Variants in EMID1 observed in about 807,000 individuals in gnomAD.
EMID1 encodes EMI domain-containing protein 1.
In EMID1, 40 loss-of-function variants were observed where a neutral mutation model predicts 60.6. The ratio of observed to expected loss-of-function variants is 0.66; its 90% CI spans 0.51 to 0.86. The LOEUF (loss-of-function observed/expected upper bound fraction) is 0.86, where lower values mean the gene tolerates loss of function less well. Among genes scored for constraint, EMID1 ranks in the 40% least tolerant of loss-of-function variants. The pLI is 0.00. For synonymous variants in EMID1, 242 were observed against 231.0 expected, an observed-to-expected ratio of 1.05 and a Z score of -0.43; for missense variants, 585 against 597.1, an observed-to-expected ratio of 0.98 and a Z score of 0.21.
intron 7 of EMID1, chr22:29,232,053 A>G: frequency 1.6e-6 from 1 of 618,494 alleles, no homozygotes; most frequent in Non-Finnish European, 2.8e-6. Context: ...TGGGAGCCCC[A>G]AGGAAGGAAG....
chr22:29,234,452 G>A (rs2040870919), intron 12 of EMID1, 103 bp downstream of exon 12: 3 of 1,341,918 alleles, frequency 2.2e-6, no homozygotes, highest in South Asian at 1.4e-5. Flanking sequence ...AACCCTCCCT[G>A]TCTTGTCATT....
chr22:29,232,255 G>A lies in EMID1; in HGVS notation c.677-1G>A. 6.2e-7 allele frequency: 1 copy of A among 1,611,650 alleles called. No homozygotes were observed. Among genetic ancestry groups the A allele is most frequent in the East Asian group, 2.2e-5 (1 of 44,862 alleles). ...CACAAATCCGTGTGATTCCATTGCA[G>A]GTCCACAGGGCCCCCCAGGGAGCCC... is the stretch of plus-strand genomic sequence containing the variant. On this transcript the variant is annotated splice_acceptor_variant, in intron 7 of 14. Transcript: ENST00000334018. LOFTEE classifies it high-confidence loss of function.
intron 7 of EMID1, chr22:29,231,923 G>A (rs2040764396): frequency 1.8e-6 from 1 of 561,714 alleles, no homozygotes; most frequent in Non-Finnish European, 3.1e-6. Flanking sequence ...GCACTGGGTG[G>A]GGTCAGACAT....
intron 2 of EMID1, chr22:29,215,302 C>G: frequency 1.0e-6 from 1 of 979,198 alleles, no homozygotes; most frequent in Non-Finnish European, 1.2e-6. Flanking sequence ...GCCAGCCCAG[C>G]CTGCAGGGTC....
At chr22:29,245,006 G>T (rs2041281690) in intron 13 of EMID1, among the ~76,000 whole-genome samples, 1 of 152,148 alleles carries the variant, frequency 6.6e-6, no homozygotes, top group South Asian at 2.1e-4. Context: ...GGCACCCAGT[G>T]CCTGCCTTGC....
intron 3 of EMID1, among the ~76,000 whole-genome samples, chr22:29,216,828 G>A (rs1458315735): frequency 1.3e-5 from 2 of 152,262 alleles, no homozygotes; most frequent in East Asian, 1.9e-4. Context: ...GGAGTACCCA[G>A]TGAAGCCGGG....
chr22:29,246,593 G>A (rs1005820335), intron 13 of EMID1, among the ~76,000 whole-genome samples: 1 of 152,132 alleles, frequency 6.6e-6, no homozygotes, highest in Non-Finnish European at 1.5e-5. Context: ...AAGAGAACCA[G>A]GAGAAGCAAG....
chr22:29,220,354 G>A lies in EMID1; in HGVS notation c.319+4724G>A, dbSNP rs562339655. 1.3e-4 allele frequency among the ~76,000 whole-genome samples: 20 copies of A among 152,332 alleles called. 1 individual carries two copies. Among genetic ancestry groups the A allele is most frequent in the Admixed American group, 1.3e-3 (20 of 15,304 alleles). On this transcript the variant is annotated intron_variant, in intron 3 of 14. Coordinates refer to ENST00000334018, the MANE Select transcript of EMID1 (RefSeq NM_133455.4). ...TTTGCCTACCCTGAGGAGGAGGCCA[G>A]GCCGGACATAGACTAAGCCTTCCTG...
At chr22:29,233,760 C>T (rs1346444910) in intron 10 of EMID1, 94 bp downstream of exon 10, 1 of 1,172,990 alleles carries the variant, frequency 8.5e-7, no homozygotes, top group Non-Finnish European at 1.2e-6. Context: ...ACCCTTGTAT[C>T]CATCTATCCA....
intron 5 of EMID1, among the ~76,000 whole-genome samples, chr22:29,227,869 G>C (rs2040583067): frequency 6.6e-6 from 1 of 151,798 alleles, no homozygotes; most frequent in African/African-American, 2.4e-5. Flanking sequence ...CAAAAAATTA[G>C]CCGGGGCCGA....
chr22:29,255,203 GCTT>G, intron 14 of EMID1: 54 of 81,198 alleles, frequency 6.7e-4, no homozygotes, highest in Non-Finnish European at 1.5e-3. Context: ...CACCCTCCCC[GCTT>G]GGCTCCCCAG....
chr22:29,210,950 T>A (rs1196633542), intron 1 of EMID1, among the ~76,000 whole-genome samples: 1 of 150,852 alleles, frequency 6.6e-6, no homozygotes, highest in African/African-American at 2.5e-5. Context: ...TTTGTGTACA[T>A]GTGAGAAGTG....
chr22:29,224,999 A>G (rs1248208643), intron 3 of EMID1, 134 bp from the exon 4 acceptor site: 1 of 831,584 alleles, frequency 1.2e-6, no homozygotes, highest in Non-Finnish European at 1.9e-6. Flanking sequence ...ACCCAGATAC[A>G]TTGCCTCTCC....
In EMID1 at chr22:29,234,348, G is replaced by A. The variant is rs3950176; in HGVS notation, c.1073G>A (p.Arg358Gln). The A allele has an allele frequency of 0.11, 184,079 of 1,613,228 alleles. 11,615 individuals are homozygous for A. The highest frequency in any genetic ancestry group is 0.24 in the East Asian group (10,803 of 44,856). ...EPGPQGSAGQ[R>Q]GEPGPKGDPG... Reference sequence around the variant, plus strand: ...GGCCCCCAAGGCTCTGCTGGGCAGCGGGTAAGTGTTGCTGTCTGTCCCGCA... The same window carrying A: ...GGCCCCCAAGGCTCTGCTGGGCAGCAGGTAAGTGTTGCTGTCTGTCCCGCA... The change falls in exon 12 of 15, where the codon CGG becomes CAG. Residue 358 changes from arginine (R) to glutamine (Q), a missense_variant and splice_region_variant. Transcript: ENST00000334018.
At chr22:29,251,194 A>G (rs531172081) in intron 13 of EMID1, among the ~76,000 whole-genome samples, 35 of 151,532 alleles carry the variant, frequency 2.3e-4, no homozygotes, top group Non-Finnish European at 4.3e-4. Flanking sequence ...CAATCCTCCC[A>G]CCTCAGCCTC....
At chr22:29,246,109 G>A (rs187374192) in intron 13 of EMID1, among the ~76,000 whole-genome samples, 57 of 152,340 alleles carry the variant, frequency 3.7e-4, no homozygotes, top group African/African-American at 1.4e-3. Context: ...CCTGAAAGGT[G>A]CATTAACCAG....
At chr22:29,214,760 C>A (rs890152924) in intron 1 of EMID1, among the ~76,000 whole-genome samples, 166 bp from the exon 2 acceptor site, 2 of 152,114 alleles carry the variant, frequency 1.3e-5, no homozygotes, top group African/African-American at 4.8e-5. Flanking sequence ...CACAGGGACT[C>A]CCCCCAGCCA....
intron 4 of EMID1, 35 bp from the exon 5 acceptor site, chr22:29,226,455 C>G: frequency 6.2e-7 from 1 of 1,605,634 alleles, no homozygotes; most frequent in South Asian, 1.1e-5. Flanking sequence ...GCCTAGGACC[C>G]TTGGCCCTGG....
At chr22:29,250,044 C>A (rs1649821376) in intron 13 of EMID1, among the ~76,000 whole-genome samples, 1 of 152,140 alleles carries the variant, frequency 6.6e-6, no homozygotes, top group African/African-American at 2.4e-5. Flanking sequence ...GAGTTTGAGA[C>A]CAGCTTGGGC....
Sources: gnomAD v4.1 joint callset for allele counts (sites outside exome capture counted in the v4.1 genomes callset) on GRCh38, gnomAD v4.1.1 for gene constraint, MANE v1.5 for transcripts, NCBI Gene and HGNC (gene_info 2026-07-23, HGNC 2026-07-21) for gene names.